SNTG1: variants seen among roughly 807,000 people sequenced by gnomAD.
SNTG1 encodes the protein gamma-1-syntrophin.
A neutral mutation model predicts 74.7 loss-of-function variants in SNTG1; 39 were observed. That is an observed-to-expected ratio of 0.52 (90% confidence interval 0.40 to 0.68). The LOEUF is 0.68. Ranked by LOEUF, SNTG1 falls within the 30% of genes least tolerant of loss-of-function variation. The pLI is 0.00. For synonymous variants in SNTG1, 254 were observed against 217.1 expected (o/e 1.17, Z -1.49); for missense variants, 685 against 609.5 (o/e 1.12, Z -1.30).
chr8:50,067,825 C>A (rs1036868242), intron 1 of SNTG1, among the ~76,000 whole-genome samples: 3 of 152,158 alleles, frequency 2.0e-5, no homozygotes, highest in Non-Finnish European at 4.4e-5. Context: ...TGCACACAGA[C>A]CCCTGTGTCT....
chr8:50,470,877 T>G (rs2093648168), intron 8 of SNTG1, among the ~76,000 whole-genome samples: 1 of 152,162 alleles, frequency 6.6e-6, no homozygotes, highest in South Asian at 2.1e-4. Flanking sequence ...TATTCCCTTA[T>G]TTGGCCCCAC....
At chr8:50,202,992 A>G (rs1430791401) in intron 2 of SNTG1, among the ~76,000 whole-genome samples, 1 of 152,048 alleles carries the variant, frequency 6.6e-6, no homozygotes, top group Admixed American at 6.6e-5. Context: ...TATTGTCATT[A>G]CACATATATG....
rs61619561 is a variant in SNTG1, at chr8:50,086,168, A to G, written c.-102-86393A>G. On this transcript the variant is annotated intron_variant, in intron 1 of 18. Coordinates refer to ENST00000642720, the MANE Select transcript of SNTG1 (RefSeq NM_018967.5). ...AAATTCAGAGAGACAATTGGGCCAC[A>G]TAGGGGACTACAGAGAGCTGCATCT... 8.4e-3 allele frequency among the ~76,000 whole-genome samples: 1,273 copies of G among 152,314 alleles called. 26 individuals are homozygous for G. Among genetic ancestry groups the G allele is most frequent in the African/African-American group, 0.029 (1,202 of 41,562 alleles).
intron 17 of SNTG1, among the ~76,000 whole-genome samples, chr8:50,726,088 G>T (rs1024550366): frequency 1.3e-5 from 2 of 152,122 alleles, no homozygotes; most frequent in East Asian, 3.9e-4. Context: ...TGTGGTATGT[G>T]TGTGTACAAA....
chr8:50,433,759 G>A (rs1012982129), intron 4 of SNTG1, among the ~76,000 whole-genome samples: 10 of 152,256 alleles, frequency 6.6e-5, no homozygotes, highest in Admixed American at 6.5e-4. Flanking sequence ...CTAAGTGCTT[G>A]TGAGATAACT....
intron 8 of SNTG1, among the ~76,000 whole-genome samples, chr8:50,466,775 A>G (rs1220073515): frequency 1.3e-5 from 2 of 152,046 alleles, no homozygotes; most frequent in East Asian, 3.8e-4. Flanking sequence ...AGGTACATCA[A>G]TTATTTGGTG....
At chr8:50,491,866 A>G (rs1434906877) in intron 8 of SNTG1, among the ~76,000 whole-genome samples, 1 of 140,980 alleles carries the variant, frequency 7.1e-6, no homozygotes, top group Non-Finnish European at 1.5e-5. Flanking sequence ...TCCTAATGCT[A>G]TTCCTCCCCT....
At chr8:50,089,043 G>T (rs1462237208) in intron 1 of SNTG1, among the ~76,000 whole-genome samples, 1 of 151,574 alleles carries the variant, frequency 6.6e-6, no homozygotes, top group East Asian at 1.9e-4. Context: ...GCATGGTACT[G>T]GTACCAAAAC....
chr8:50,531,252 G>A (rs569895796), intron 10 of SNTG1, among the ~76,000 whole-genome samples: 115 of 151,902 alleles, frequency 7.6e-4, no homozygotes, highest in Admixed American at 2.6e-3. Flanking sequence ...CAACACCAAA[G>A]GTTATCTGTA....
intron 10 of SNTG1, among the ~76,000 whole-genome samples, chr8:50,535,646 T>G (rs927475942): frequency 6.6e-6 from 1 of 152,182 alleles, no homozygotes; most frequent in African/African-American, 2.4e-5. Flanking sequence ...TTTTATTTGC[T>G]CAATCTGCCA....
chr8:50,330,447 A>G (rs949727180), intron 2 of SNTG1, among the ~76,000 whole-genome samples: 53 of 152,164 alleles, frequency 3.5e-4, no homozygotes, highest in Admixed American at 1.3e-4. Context: ...GGTCAACACC[A>G]TTCAAAAAAT....
At chr8:50,105,539 T>C (rs953208789) in intron 1 of SNTG1, among the ~76,000 whole-genome samples, 3 of 151,978 alleles carry the variant, frequency 2.0e-5, no homozygotes. Context: ...CTCTTTTTTG[T>C]CTTCAAATAA....
intron 2 of SNTG1, among the ~76,000 whole-genome samples, chr8:50,338,135 A>C (rs939286441): frequency 1.6e-4 from 25 of 151,864 alleles, no homozygotes; most frequent in African/African-American, 6.0e-4. Context: ...CTCTGTCTCA[A>C]AAAAAATAAA....
chr8:50,306,195 C>T (rs1430282536), intron 2 of SNTG1, among the ~76,000 whole-genome samples: 4 of 151,974 alleles, frequency 2.6e-5, no homozygotes, highest in Admixed American at 2.6e-4. Flanking sequence ...TGGCCTCCAG[C>T]TTCATCCAAG....
intron 1 of SNTG1, chr8:50,164,111 T>C (rs1030757380): frequency 2.1e-5 from 3 of 145,474 alleles, no homozygotes; most frequent in African/African-American, 5.2e-5. Context: ...TTTTTTTTTT[T>C]TTTTTTGCTA....
At chr8:50,528,607 T>C (rs939898023) in intron 9 of SNTG1, among the ~76,000 whole-genome samples, 3 of 151,854 alleles carry the variant, frequency 2.0e-5, no homozygotes, top group African/African-American at 7.2e-5. Flanking sequence ...TAAGAGTTGA[T>C]AGTCTCTTTC....
rs755812277 is a variant in SNTG1, at chr8:50,536,787, T to C, written c.659T>C (p.Val220Ala). ...PLLHSRFSQY[V>A]PGTDLSRQNA... is the part of the protein sequence containing the mutation. ...CTTCATTCGCGCTTCTCTCAGTATGTGCCCGGCACAGATTTGAGTCGGTGA... is the reference window on the plus strand; with the variant it reads ...CTTCATTCGCGCTTCTCTCAGTATGCGCCCGGCACAGATTTGAGTCGGTGA... The change falls in exon 11 of 19, where the codon GTG (valine) becomes GCG (alanine). Residue 220 changes from valine to alanine, a missense_variant. Physicochemically the swap from Val to Ala is moderately conservative, Grantham distance 64. Coordinates refer to ENST00000642720, the MANE Select transcript of SNTG1 (RefSeq NM_018967.5). The C allele has an allele frequency of 6.5e-5, 105 of 1,613,892 alleles. No homozygotes were observed. Among genetic ancestry groups the C allele is most frequent in the Non-Finnish European group, 5.9e-5 (70 of 1,179,872 alleles).
In SNTG1 at chr8:50,122,878, C is replaced by T. The variant is rs1030559112; in HGVS notation, c.-102-49683C>T. Among the ~76,000 whole-genome samples, 9 of 142,222 alleles carry T rather than the reference C, an allele frequency of 6.3e-5. 3 individuals carry two copies. The highest frequency in any genetic ancestry group is 1.4e-4 in the Non-Finnish European group (9 of 63,792). 93.3% of individuals were successfully genotyped at this position (142,222 alleles called of 152,430 possible). On this transcript the variant is annotated intron_variant, in intron 1 of 18. Coordinates refer to ENST00000642720, the MANE Select transcript of SNTG1 (RefSeq NM_018967.5). Reference sequence around the variant, plus strand: ...TGCACCAAACCAATAGAGAGAAAAACCTGATTGCTTTGCATATAAAATGGG... The same window carrying T: ...TGCACCAAACCAATAGAGAGAAAAATCTGATTGCTTTGCATATAAAATGGG...
intron 15 of SNTG1, among the ~76,000 whole-genome samples, chr8:50,694,167 G>GA (rs2095394513): frequency 6.8e-6 from 1 of 147,566 alleles, no homozygotes. Context: ...TTTTTTTTTT[G>GA]AAAAAATGTA....
Sources: allele counts gnomAD v4.1 joint callset (sites outside exome capture counted in the v4.1 genomes callset), GRCh38; gene constraint gnomAD v4.1.1; transcripts MANE v1.5; gene names NCBI Gene and HGNC (gene_info 2026-07-23, HGNC 2026-07-21).